Variants in SOX6 observed in about 807,000 individuals in gnomAD.
SOX6 encodes transcription factor SOX-6.
Under a neutral mutation model 97.8 loss-of-function variants are expected in SOX6, and 11 were observed. That is an observed-to-expected ratio of 0.11 (90% CI 0.07 to 0.19). The LOEUF (loss-of-function observed/expected upper bound fraction) is 0.19. Among genes scored for constraint, SOX6 ranks in the 10% least tolerant of loss-of-function variants. SOX6 has a pLI of 1.00. For missense variants in SOX6, 810 were observed against 1,039.5 expected, an observed-to-expected ratio of 0.78 and a Z score of 3.04; for synonymous variants, 360 against 371.4, an observed-to-expected ratio of 0.97 and a Z score of 0.35.
At chr11:16,028,300 T>G (rs566542335) in intron 12 of SOX6, among the ~76,000 whole-genome samples, 1 of 152,382 alleles carries the variant, frequency 6.6e-6, no homozygotes, top group African/African-American at 2.4e-5. Context: ...TAGACACATT[T>G]GTAAAAGGCT....
At chr11:16,019,391 T>C (rs1474307888) in intron 12 of SOX6, among the ~76,000 whole-genome samples, 1 of 152,060 alleles carries the variant, frequency 6.6e-6, no homozygotes. Context: ...TGTCTGAATA[T>C]GGGGGATCAT....
intron 3 of SOX6, among the ~76,000 whole-genome samples, chr11:16,704,694 T>G (rs1848118879): frequency 1.3e-5 from 2 of 152,216 alleles, no homozygotes; most frequent in Admixed American, 6.5e-5. Flanking sequence ...CCAAATTCAA[T>G]TTTATAAAAT....
intron 12 of SOX6, among the ~76,000 whole-genome samples, chr11:16,029,591 G>A (rs1272233848): frequency 1.3e-5 from 2 of 149,418 alleles, no homozygotes; most frequent in African/African-American, 5.0e-5. Context: ...AGCAGAGATC[G>A]AACCACTGAA....
At chr11:16,335,447 G>A (rs1856428826) in intron 2 of SOX6, among the ~76,000 whole-genome samples, 1 of 152,122 alleles carries the variant, frequency 6.6e-6, no homozygotes, top group Admixed American at 6.6e-5. Flanking sequence ...TTATGACTAT[G>A]ACTATACACT....
chr11:16,339,199 C>T (rs934980856), intron 2 of SOX6, among the ~76,000 whole-genome samples: 2 of 151,998 alleles, frequency 1.3e-5, no homozygotes, highest in Non-Finnish European at 1.5e-5. Flanking sequence ...CATTATACCA[C>T]GCCAGACTTT....
chr11:15,966,979 A>G lies in SOX6; in HGVS notation c.*5830T>C, dbSNP rs1265790999. 1 of 152,050 alleles carries G rather than the reference A, an allele frequency of 6.6e-6. No homozygotes were observed. The highest frequency in any genetic ancestry group is 2.4e-5 in the African/African-American group (1 of 41,388). 9.4% of individuals were successfully genotyped at this position (152,050 alleles called of 1,614,324 possible). On this transcript the variant is annotated 3_prime_UTR_variant, in exon 16 of 16. Coordinates refer to ENST00000683767, the MANE Select transcript of SOX6 (RefSeq NM_001367873.1). ...TTATTATTATTATTATCAAGAGGAGAGTGTGAGAAAGATGTGATGGCAACC... is the reference window on the plus strand; with the variant it reads ...TTATTATTATTATTATCAAGAGGAGGGTGTGAGAAAGATGTGATGGCAACC...
chr11:16,226,604 C>T (rs140793292), intron 4 of SOX6, among the ~76,000 whole-genome samples: 7 of 152,258 alleles, frequency 4.6e-5, no homozygotes, highest in Non-Finnish European at 1.0e-4. Flanking sequence ...AGTATGTCAC[C>T]ATTGCATTTA....
intron 4 of SOX6, among the ~76,000 whole-genome samples, chr11:16,229,944 GA>G (rs1341473653): frequency 6.6e-6 from 1 of 151,578 alleles, no homozygotes. Context: ...TATAAACATG[GA>G]AAACTCTAAT....
chr11:15,988,517 T>C (rs1017153844), intron 14 of SOX6, among the ~76,000 whole-genome samples: 3 of 152,214 alleles, frequency 2.0e-5, no homozygotes, highest in African/African-American at 7.2e-5. Flanking sequence ...TTTCATACCA[T>C]TTTGGGTTTC....
chr11:16,376,957 A>T (rs1355271603), intron 1 of SOX6, among the ~76,000 whole-genome samples: 1 of 151,904 alleles, frequency 6.6e-6, no homozygotes, highest in African/African-American at 2.4e-5. Context: ...AAAAAGAAAG[A>T]CGGGAATATT....
chr11:16,640,604 G>C (rs1236266848), intron 3 of SOX6, among the ~76,000 whole-genome samples: 1 of 152,148 alleles, frequency 6.6e-6, no homozygotes, highest in Non-Finnish European at 1.5e-5. Flanking sequence ...TATTGGTCTA[G>C]TCAGAGATTC....
intron 4 of SOX6, among the ~76,000 whole-genome samples, chr11:16,231,078 A>C (rs1036558969): frequency 3.6e-4 from 55 of 151,806 alleles, no homozygotes; most frequent in African/African-American, 1.3e-3. Context: ...AAATATAGCC[A>C]ACTAATTGGA....
At chr11:16,341,687 C>G (rs1037274172) in intron 1 of SOX6, among the ~76,000 whole-genome samples, 3 of 152,018 alleles carry the variant, frequency 2.0e-5, no homozygotes, top group Non-Finnish European at 4.4e-5. Flanking sequence ...ATCCAACTTT[C>G]TCCTATGGTT....
At chr11:16,413,245 G>A (rs1858858007) in intron 1 of SOX6, among the ~76,000 whole-genome samples, 1 of 152,230 alleles carries the variant, frequency 6.6e-6, no homozygotes, top group South Asian at 2.1e-4. Context: ...GAGAATAAAA[G>A]TATTCTTCAT....
At chr11:16,198,121 T>A (rs2134122734) in intron 4 of SOX6, among the ~76,000 whole-genome samples, 1 of 152,118 alleles carries the variant, frequency 6.6e-6, no homozygotes, top group South Asian at 2.1e-4. Context: ...TGGCTCGATC[T>A]TGGCTCACTG....
chr11:16,539,124 C>A (rs146546681), intron 4 of SOX6, among the ~76,000 whole-genome samples: 16,025 of 152,254 alleles, frequency 0.11, 909 homozygotes, highest in Non-Finnish European at 0.14. Flanking sequence ...AACAAACTGT[C>A]TCTCAGACCA....
intron 5 of SOX6, 79 bp downstream of exon 5, chr11:16,186,704 T>C (rs756383593): frequency 2.6e-5 from 38 of 1,468,744 alleles, no homozygotes; most frequent in African/African-American, 4.2e-5. Flanking sequence ...TTACAACAAA[T>C]AAGCCAATCA....
chr11:16,462,267 A>G (rs1859946024), intron 1 of SOX6, among the ~76,000 whole-genome samples: 1 of 152,356 alleles, frequency 6.6e-6, no homozygotes, highest in African/African-American at 2.4e-5. Context: ...GCCTGCTTCA[A>G]ACAATAAACT....
chr11:16,373,396 T>C (rs1341004799), intron 1 of SOX6, among the ~76,000 whole-genome samples: 1 of 152,114 alleles, frequency 6.6e-6, no homozygotes, highest in Non-Finnish European at 1.5e-5. Context: ...CTGTCTTACC[T>C]CACTCTTCCT....
Sources: allele counts gnomAD v4.1 joint callset (sites outside exome capture counted in the v4.1 genomes callset), GRCh38; gene constraint gnomAD v4.1.1; transcripts MANE v1.5; gene names NCBI Gene and HGNC (gene_info 2026-07-23, HGNC 2026-07-21).